GIPC2: variants seen among roughly 807,000 people sequenced by gnomAD.
GIPC2 encodes the protein PDZ domain-containing protein GIPC2.
Under a neutral mutation model 30.6 loss-of-function variants are expected in GIPC2, and 30 were observed. The ratio of observed to expected loss-of-function variants is 0.98; its 90% confidence interval spans 0.73 to 1.33. The LOEUF (loss-of-function observed/expected upper bound fraction) is 1.33, where lower values mean the gene tolerates loss of function less well. Among genes scored for constraint, GIPC2 ranks in the 40% most tolerant of loss-of-function variants. GIPC2 has a pLI of 0.00. For missense variants in GIPC2, 414 were observed against 390.3 expected, an observed-to-expected ratio of 1.06 and a Z score of -0.51; for synonymous variants, 167 against 150.0, an observed-to-expected ratio of 1.11 and a Z score of -0.83.
At chr1:78,051,505 A>ATTCTTTTTT (rs975105227) in intron 1 of GIPC2, among the ~76,000 whole-genome samples, 10 of 152,082 alleles carry the variant, frequency 6.6e-5, no homozygotes, top group African/African-American at 2.4e-4. Flanking sequence ...AAGAAGTGTT[A>ATTCTTTTTT]TTCTTTTTTT....
intron 1 of GIPC2, among the ~76,000 whole-genome samples, chr1:78,071,053 G>A (rs550394897): frequency 2.8e-4 from 42 of 152,238 alleles, no homozygotes; most frequent in African/African-American, 8.4e-4. Flanking sequence ...CCAATTTTAT[G>A]TCTTTTCCAG....
intron 1 of GIPC2, among the ~76,000 whole-genome samples, chr1:78,065,208 T>G (rs1460498784): frequency 6.6e-6 from 1 of 152,208 alleles, no homozygotes; most frequent in African/African-American, 2.4e-5. Context: ...GGACTGTAAT[T>G]AAAAGAGTAG....
intron 3 of GIPC2, among the ~76,000 whole-genome samples, chr1:78,095,441 C>T (rs1470645103): frequency 6.6e-6 from 1 of 152,126 alleles, no homozygotes; most frequent in Non-Finnish European, 1.5e-5. Context: ...GTATTGTTTT[C>T]ATTTTGCTGA....
chr1:78,109,754 G>A (rs1662427009), intron 3 of GIPC2, among the ~76,000 whole-genome samples: 1 of 152,016 alleles, frequency 6.6e-6, no homozygotes, highest in Non-Finnish European at 1.5e-5. Context: ...AATAAAATTG[G>A]TCTTGAAGAA....
At chr1:78,044,981 C>A, upstream of GIPC2, 1 of 438,750 alleles carries the variant, frequency 2.3e-6, no homozygotes, top group Non-Finnish European at 3.0e-6. Flanking sequence ...TCGGTGAATG[C>A]AACTCCTGGA....
chr1:78,092,344 A>T (rs762097065), intron 2 of GIPC2, among the ~76,000 whole-genome samples: 97 of 152,218 alleles, frequency 6.4e-4, no homozygotes, highest in Non-Finnish European at 1.2e-3. Flanking sequence ...GGAAACCTCT[A>T]TGTTTAATAA....
chr1:78,045,109 T>C (rs1661043841), upstream of GIPC2: 6 of 969,842 alleles, frequency 6.2e-6, no homozygotes, highest in South Asian at 2.9e-4. Context: ...GATAAAAACC[T>C]AAAAGAATTA....
rs928134443 is a variant in GIPC2, at chr1:78,080,727, G to C, written c.293G>C (p.Gly98Ala). The change falls in exon 2 of 6, where the codon GGA (glycine) becomes GCA (alanine). Residue 98 changes from glycine to alanine, a missense_variant. Coordinates refer to ENST00000370759, the MANE Select transcript of GIPC2 (RefSeq NM_017655.6). ...TPKIDMERLL[G>A]GQLGLEDFIF... is the part of the protein sequence containing the mutation. ...AAAATTGACATGGAAAGACTCTTAG[G>C]AGGACAACTAGGACTAGAAGATTTC... 1.9e-6 allele frequency: 3 copies of C among 1,609,312 alleles called. No individual in the cohort carries two copies. Among genetic ancestry groups the C allele is most frequent in the Admixed American group, 1.7e-5 (1 of 59,968 alleles).
intron 1 of GIPC2, among the ~76,000 whole-genome samples, chr1:78,075,020 A>G (rs1179316886): frequency 6.6e-6 from 1 of 152,254 alleles, no homozygotes. Context: ...AATCCAACCC[A>G]GGATGGCTTG....
At chr1:78,095,166 T>C in intron 3 of GIPC2, 34 bp downstream of exon 3, 1 of 1,477,080 alleles carries the variant, frequency 6.8e-7, no homozygotes, top group South Asian at 1.2e-5. Flanking sequence ...GTGTGTGAAA[T>C]GTTTGCTTTC....
intron 1 of GIPC2, among the ~76,000 whole-genome samples, chr1:78,075,210 G>T (rs754607958): frequency 1.8e-4 from 27 of 152,096 alleles, no homozygotes; most frequent in African/African-American, 6.3e-4. Context: ...TAATCCCAGC[G>T]CTTTTGGAGG....
At position 78,081,568 on chromosome 1, in the gene GIPC2, T is replaced by C. The variant is rs892989277; in HGVS notation, c.426+708T>C. Among the ~76,000 whole-genome samples the C allele has an allele frequency of 3.9e-5, 6 of 152,194 alleles. No homozygotes were observed. The South Asian group carries it at 8.3e-4, about 21-fold the overall frequency. ...GAATTTTAGTATTGATGGTGTGTCC[T>C]GGAACCAATCCCCCATGGATACCCA... On this transcript the variant is annotated intron_variant, in intron 2 of 5. Transcript: ENST00000370759.
At chr1:78,108,167 C>T (rs931516041) in intron 3 of GIPC2, among the ~76,000 whole-genome samples, 5 of 152,058 alleles carry the variant, frequency 3.3e-5, no homozygotes, top group Non-Finnish European at 5.9e-5. Flanking sequence ...AAGGATAAAA[C>T]GAAATATTTT....
At chr1:78,094,097 C>T (rs376806540) in intron 2 of GIPC2, among the ~76,000 whole-genome samples, 1 of 152,204 alleles carries the variant, frequency 6.6e-6, no homozygotes, top group Non-Finnish European at 1.5e-5. Flanking sequence ...CATCAAATCA[C>T]CCTTACTGGC....
chr1:78,095,391 A>T (rs1662119977), intron 3 of GIPC2, among the ~76,000 whole-genome samples: 1 of 152,204 alleles, frequency 6.6e-6, no homozygotes. Context: ...CTAGTGACTG[A>T]ATTTGATGTG....
chr1:78,059,678 G>A (rs1414661258), intron 1 of GIPC2, among the ~76,000 whole-genome samples: 1 of 152,192 alleles, frequency 6.6e-6, no homozygotes, highest in Non-Finnish European at 1.5e-5. Context: ...GCAGAGGCAA[G>A]AGGATTGCTT....
At chr1:78,067,555 G>A (rs1661542224) in intron 1 of GIPC2, among the ~76,000 whole-genome samples, 1 of 152,018 alleles carries the variant, frequency 6.6e-6, no homozygotes, top group South Asian at 2.1e-4. Context: ...TAGTTCAAGC[G>A]ATTCTCCCAC....
chr1:78,074,515 C>T (rs1236738748), intron 1 of GIPC2, among the ~76,000 whole-genome samples: 2 of 152,164 alleles, frequency 1.3e-5, no homozygotes, highest in African/African-American at 4.8e-5. Context: ...TATATTTATA[C>T]ACTTACTGAA....
At chr1:78,110,932 C>T (rs1347297475) in intron 3 of GIPC2, among the ~76,000 whole-genome samples, 2 of 152,156 alleles carry the variant, frequency 1.3e-5, no homozygotes, top group Non-Finnish European at 2.9e-5. Flanking sequence ...GTGAATCAAT[C>T]GCTAAGATTC....
Sources: allele counts gnomAD v4.1 joint callset (sites outside exome capture counted in the v4.1 genomes callset), GRCh38; gene constraint gnomAD v4.1.1; transcripts MANE v1.5; gene names NCBI Gene and HGNC (gene_info 2026-07-23, HGNC 2026-07-21).